The following NR4A3 variants were observed in gnomAD, a reference collection of about 807,000 sequenced individuals.
NR4A3 encodes nuclear receptor subfamily 4 group A member 3.
In NR4A3, 13 loss-of-function variants were observed where a neutral mutation model predicts 55.6. The observed-to-expected ratio is 0.23, with a 90% CI of 0.15 to 0.37. The LOEUF is 0.37. NR4A3 is among the 10% of genes least tolerant of loss of function. The pLI is 1.00. For synonymous variants in NR4A3, 342 were observed against 357.9 expected (o/e 0.96, Z 0.50); for missense variants, 646 against 822.8 (o/e 0.79, Z 2.63).
At chr9:99,846,128 G>C (rs1827749146) in intron 6 of NR4A3, among the ~76,000 whole-genome samples, 1 of 152,218 alleles carries the variant, frequency 6.6e-6, no homozygotes, top group Non-Finnish European at 1.5e-5. Context: ...GTTCATCCAA[G>C]AAGCACAAAG....
chr9:99,823,078 C>A lies in NR4A3; in HGVS notation c.-177+671C>A, dbSNP rs530423479. ...CGCTGACATGCCGGTTTACACTTTT[C>A]CCTTAGGAGGTAAATCGGGTGTAAT... On this transcript the variant is annotated intron_variant, in intron 1 of 7. Coordinates refer to ENST00000395097, the MANE Select transcript of NR4A3 (RefSeq NM_006981.4). 1.5e-4 allele frequency among the ~76,000 whole-genome samples: 23 copies of A among 152,302 alleles called. 1 individual carries two copies. The South Asian group carries it at 3.5e-3, about 23-fold the overall frequency.
In NR4A3 at chr9:99,864,038, G is replaced by C; in HGVS notation, c.*171G>C. 7 of 626,332 alleles carry C rather than the reference G, an allele frequency of 1.1e-5. No homozygotes were observed. Among genetic ancestry groups the C allele is most frequent in the Admixed American group, 1.0e-4 (3 of 29,872 alleles). 38.8% of individuals were successfully genotyped at this position (626,332 alleles called of 1,614,324 possible). On this transcript the variant is annotated 3_prime_UTR_variant, in exon 8 of 8. Coordinates refer to ENST00000395097, the MANE Select transcript of NR4A3 (RefSeq NM_006981.4). ...CTGGCTCTTTTCCTTACAACCTAAA[G>C]CCAGAAAACTTGCAGAGTATTGTGT...
chr9:99,865,528 A>G lies in NR4A3; in HGVS notation c.*1661A>G. On this transcript the variant is annotated 3_prime_UTR_variant, in exon 8 of 8. Coordinates refer to ENST00000395097, the MANE Select transcript of NR4A3 (RefSeq NM_006981.4). The surrounding 1 kb of genome is among the most constrained non-coding windows in gnomAD (Gnocchi z 4.3). ...TTTTAGGTCTAAAAGTCTTTATATT[A>G]TATACTCTGTATCAAGTCAAAATAT... 5.4e-6 allele frequency: 1 copy of G among 184,334 alleles called. No homozygotes were observed. The highest frequency in any genetic ancestry group is 8.8e-5 in the East Asian group (1 of 11,318). 11.4% of individuals were successfully genotyped at this position (184,334 alleles called of 1,614,324 possible).
At chr9:99,842,217 C>T (rs1173484113) in intron 5 of NR4A3, among the ~76,000 whole-genome samples, 3 of 151,556 alleles carry the variant, frequency 2.0e-5, no homozygotes, top group Non-Finnish European at 4.4e-5. Context: ...GGTAGCTCCA[C>T]AGTAAGCACC....
At position 99,828,221 on chromosome 9, in the gene NR4A3, C is replaced by A. The variant is rs150301488; in HGVS notation, c.179C>A (p.Thr60Asn). 2 of 1,614,016 alleles carry A rather than the reference C, an allele frequency of 1.2e-6. No homozygotes were observed. Among genetic ancestry groups the A allele is most frequent in the Admixed American group, 1.7e-5 (1 of 60,016 alleles). Reference protein sequence around the residue: ...TATTSLPSISTFVEGYSSNYE... With the variant: ...TATTSLPSISNFVEGYSSNYE... ...ACCACGTCCCTGCCCAGCATCAGTACCTTCGTGGAGGGCTACTCGAGCAAC... is the reference window on the plus strand; with the variant it reads ...ACCACGTCCCTGCCCAGCATCAGTAACTTCGTGGAGGGCTACTCGAGCAAC... Residue 60 changes from threonine to asparagine, a missense_variant, in exon 3 of 8, where the codon ACC (threonine) becomes AAC (asparagine). Transcript: ENST00000395097. This position sits in a 1 kb window ranked among gnomAD's most constrained non-coding sequence, Gnocchi z 7.7.
At chr9:99,856,396 C>T (rs994265595) in intron 7 of NR4A3, among the ~76,000 whole-genome samples, 1 of 152,016 alleles carries the variant, frequency 6.6e-6, no homozygotes, top group African/African-American at 2.4e-5. Context: ...TGACAGGAGG[C>T]GGAGCTCAGG....
intron 7 of NR4A3, among the ~76,000 whole-genome samples, chr9:99,852,582 T>C (rs1408405652): frequency 3.3e-5 from 5 of 152,186 alleles, no homozygotes; most frequent in Non-Finnish European, 7.3e-5. Context: ...ATTGGAAAGA[T>C]AGTTTTGAAC....
chr9:99,832,041 A>G (rs915282948), intron 3 of NR4A3, among the ~76,000 whole-genome samples: 2 of 152,188 alleles, frequency 1.3e-5, no homozygotes, highest in African/African-American at 4.8e-5. Flanking sequence ...TTCCTTGGAT[A>G]TAATAATGAT....
At chr9:99,836,840 G>T (rs151014414) in intron 5 of NR4A3, among the ~76,000 whole-genome samples, 4 of 152,146 alleles carry the variant, frequency 2.6e-5, no homozygotes, top group African/African-American at 9.7e-5. Flanking sequence ...GTATATGAGT[G>T]CTCCCCTTTC....
chr9:99,844,467 T>C (rs1047256101), intron 5 of NR4A3, among the ~76,000 whole-genome samples, 182 bp from the exon 6 acceptor site: 1 of 152,246 alleles, frequency 6.6e-6, no homozygotes, highest in Non-Finnish European at 1.5e-5. Flanking sequence ...AAATTTGCTG[T>C]ATTTGTATCA....
At chr9:99,839,171 G>A (rs1256347455) in intron 5 of NR4A3, among the ~76,000 whole-genome samples, 3 of 152,132 alleles carry the variant, frequency 2.0e-5, no homozygotes, top group Non-Finnish European at 4.4e-5. Context: ...TGGAGTGGGG[G>A]CATAGAGTTA....
At chr9:99,858,273 A>G (rs1196472484) in intron 7 of NR4A3, among the ~76,000 whole-genome samples, 1 of 152,186 alleles carries the variant, frequency 6.6e-6, no homozygotes, top group East Asian at 1.9e-4. Context: ...GGATGGGAAA[A>G]CATGAGCACA....
chr9:99,862,549 CAAAAAAAA>C (rs59274273), intron 7 of NR4A3, among the ~76,000 whole-genome samples: 55 of 72,798 alleles, frequency 7.6e-4, no homozygotes, highest in South Asian at 7.2e-3. Flanking sequence ...GACTCTGTCT[CAAAAAAAA>C]AAAAAAAAAA....
At chr9:99,848,037 T>C (rs1827786625) in intron 7 of NR4A3, among the ~76,000 whole-genome samples, 1 of 152,208 alleles carries the variant, frequency 6.6e-6, no homozygotes, top group South Asian at 2.1e-4. Context: ...CCTGAGTAGC[T>C]AGGACTATAG....
chr9:99,851,083 G>T lies in NR4A3; in HGVS notation c.1633+3468G>T, dbSNP rs192946940. Among the ~76,000 whole-genome samples the T allele has an allele frequency of 3.3e-5, 5 of 152,270 alleles. No individual in the cohort carries two copies. In the East Asian group the frequency reaches 9.7e-4, roughly 29 times the overall value. On this transcript the variant is annotated intron_variant, in intron 7 of 7. Coordinates refer to ENST00000395097, the MANE Select transcript of NR4A3 (RefSeq NM_006981.4). ...AAGTGCTCTACAGTGGTGTCTTTGGGCCTCCCCGACCAGGTAGCTCCTGTT... is the reference window on the plus strand; with the variant it reads ...AAGTGCTCTACAGTGGTGTCTTTGGTCCTCCCCGACCAGGTAGCTCCTGTT...
rs191130713 is a variant in NR4A3 at position 99,857,188 on chromosome 9, G to A, written c.1634-6432G>A. ...AGATAATAACGGAAGTTCTTGCAATGGATTAAATATGATGGCTCGGGGGGA... is the reference window on the plus strand; with the variant it reads ...AGATAATAACGGAAGTTCTTGCAATAGATTAAATATGATGGCTCGGGGGGA... On this transcript the variant is annotated intron_variant, in intron 7 of 7. Coordinates refer to ENST00000395097, the MANE Select transcript of NR4A3 (RefSeq NM_006981.4). Among the ~76,000 whole-genome samples the A allele has an allele frequency of 6.0e-3, 910 of 152,226 alleles. 7 individuals are homozygous for A. The highest frequency in any genetic ancestry group is 9.2e-3 in the Admixed American group (140 of 15,278).
In NR4A3 at chr9:99,863,505, T is replaced by C. The variant is rs1828043283; in HGVS notation, c.1634-115T>C. On this transcript the variant is annotated intron_variant, in intron 7 of 7. Transcript: ENST00000395097. ...ATCTCTAACAGGGAGGGCACTTTGA[T>C]TGCAAAGAAGCTATCCAAACTGGCA... 3.8e-6 allele frequency: 5 copies of C among 1,305,492 alleles called. No homozygotes were observed. The South Asian group carries it at 7.3e-5, about 19-fold the overall frequency. The allele number at this position is 1,305,492 out of a possible 1,614,324, so 80.9% of individuals were successfully genotyped here. A position where few individuals can be genotyped will look rare whatever the true frequency, so the allele number is the denominator to read the frequency against.
intron 3 of NR4A3, among the ~76,000 whole-genome samples, chr9:99,831,161 C>G (rs1053706939): frequency 2.0e-5 from 3 of 152,156 alleles, no homozygotes; most frequent in South Asian, 4.1e-4. Context: ...GTAGGGAAGG[C>G]TTCAGGTTAT....
At position 99,828,540 on chromosome 9, in the gene NR4A3, C is replaced by T; in HGVS notation, c.498C>T (p.Cys166=). Residue 166 remains cysteine (C), a synonymous_variant, in exon 3 of 8, where the codon TGC becomes TGT. Transcript: ENST00000395097. This position sits in a 1 kb window ranked among gnomAD's most constrained non-coding sequence, Gnocchi z 7.7. ...WDEALPSAPG[C]IAPGPLLDPP... ...AGGCACTGCCCTCGGCGCCCGGCTG[C>T]ATCGCACCCGGCCCGCTGCTGGACC... is the stretch of plus-strand genomic sequence containing the variant. The T allele has an allele frequency of 6.4e-7, 1 of 1,561,976 alleles. No individual in the cohort carries two copies. Among genetic ancestry groups the T allele is most frequent in the Non-Finnish European group, 8.6e-7 (1 of 1,160,756 alleles).
Sources: gnomAD v4.1 joint callset for allele counts (sites outside exome capture counted in the v4.1 genomes callset) on GRCh38, gnomAD v4.1.1 for gene constraint, Gnocchi (gnomAD v3.1) non-coding constraint, MANE v1.5 for transcripts, NCBI Gene and HGNC (gene_info 2026-07-23, HGNC 2026-07-21) for gene names.